FHIT: variants seen among roughly 807,000 people sequenced by gnomAD.
FHIT encodes the protein fragile histidine triad diadenosine triphosphatase.
FHIT carries 19 observed loss-of-function variants against 17.9 expected under a neutral mutation model. The ratio of observed to expected loss-of-function variants is 1.06; its 90% confidence interval spans 0.74 to 1.56. FHIT has a LOEUF of 1.56. FHIT is among the 40% of genes most tolerant of loss of function. The pLI is 0.00. For missense variants in FHIT, 248 were observed against 189.2 expected, an observed-to-expected ratio of 1.31 and a Z score of -1.82; for synonymous variants, 81 against 69.7, an observed-to-expected ratio of 1.16 and a Z score of -0.81.
intron 5 of FHIT, among the ~76,000 whole-genome samples, chr3:60,430,261 C>T (rs1409848967): frequency 6.6e-6 from 1 of 152,040 alleles, no homozygotes; most frequent in East Asian, 1.9e-4. Flanking sequence ...GTGATTTTTT[C>T]ACTAAGTACC....
chr3:60,090,108 G>A (rs1266081644), intron 5 of FHIT, among the ~76,000 whole-genome samples: 1 of 152,064 alleles, frequency 6.6e-6, no homozygotes, highest in Non-Finnish European at 1.5e-5. Context: ...CTATCAAAAT[G>A]GGAATCTGAT....
At chr3:60,082,488 T>C (rs573103045) in intron 5 of FHIT, among the ~76,000 whole-genome samples, 38 of 152,186 alleles carry the variant, frequency 2.5e-4, no homozygotes, top group African/African-American at 9.1e-4. Flanking sequence ...TGAATATATA[T>C]CCAGTAATGG....
intron 5 of FHIT, among the ~76,000 whole-genome samples, chr3:60,068,675 C>A (rs1246757562): frequency 6.6e-6 from 1 of 152,156 alleles, no homozygotes; most frequent in African/African-American, 2.4e-5. Context: ...TACTTGATTT[C>A]ATACACATCT....
intron 2 of FHIT, among the ~76,000 whole-genome samples, chr3:61,179,054 A>G (rs80093981): frequency 0.13 from 17,545 of 134,210 alleles, 1,147 homozygotes; most frequent in Non-Finnish European, 0.15. Context: ...TCTGTTGCCC[A>G]GGATGGAATG....
chr3:61,129,265 T>C (rs911218019), intron 2 of FHIT, among the ~76,000 whole-genome samples: 2 of 152,178 alleles, frequency 1.3e-5, no homozygotes, highest in Non-Finnish European at 2.9e-5. Context: ...TGACATAAGG[T>C]TGAAATCATC....
At chr3:60,332,671 C>G (rs1710044463) in intron 5 of FHIT, among the ~76,000 whole-genome samples, 1 of 152,258 alleles carries the variant, frequency 6.6e-6, no homozygotes, top group African/African-American at 2.4e-5. Context: ...GAAAAGGCAA[C>G]TATTTTGGGG....
chr3:60,079,537 C>T (rs994079267), intron 5 of FHIT, among the ~76,000 whole-genome samples: 8 of 152,174 alleles, frequency 5.3e-5, no homozygotes, highest in Middle Eastern at 3.4e-3. Flanking sequence ...TTCTCTTTGT[C>T]CCTTCACCAT....
chr3:60,585,351 A>G (rs1414923200), intron 4 of FHIT, among the ~76,000 whole-genome samples: 1 of 152,012 alleles, frequency 6.6e-6, no homozygotes, highest in African/African-American at 2.4e-5. Flanking sequence ...TTGGAGTCAG[A>G]CACAGGTGCA....
chr3:60,955,586 G>GCGTATATATA (rs60979129), intron 3 of FHIT, among the ~76,000 whole-genome samples: 18,241 of 82,154 alleles, frequency 0.22, 3,169 homozygotes, highest in African/African-American at 0.35. Flanking sequence ...ATCTGCTTAG[G>GCGTATATATA]CATATATATA....
intron 5 of FHIT, among the ~76,000 whole-genome samples, chr3:60,355,537 A>G (rs1377388054): frequency 1.3e-5 from 2 of 152,190 alleles, no homozygotes; most frequent in Non-Finnish European, 2.9e-5. Context: ...AAAAGGCTGC[A>G]TACAATTTTT....
At chr3:60,144,898 C>G (rs207463157) in intron 5 of FHIT, among the ~76,000 whole-genome samples, 3 of 152,116 alleles carry the variant, frequency 2.0e-5, no homozygotes, top group African/African-American at 7.2e-5. Flanking sequence ...TCTGTAACTT[C>G]AACTGGTCTG....
At chr3:60,323,992 T>C (rs1180267594) in intron 5 of FHIT, among the ~76,000 whole-genome samples, 1 of 152,150 alleles carries the variant, frequency 6.6e-6, no homozygotes, top group Non-Finnish European at 1.5e-5. Context: ...AGGGCAGTTT[T>C]TTTTAACCCT....
At chr3:60,435,958 C>T (rs1392347347) in intron 5 of FHIT, among the ~76,000 whole-genome samples, 1 of 152,174 alleles carries the variant, frequency 6.6e-6, no homozygotes, top group Non-Finnish European at 1.5e-5. Flanking sequence ...TGGCCTCCAG[C>T]TCCATCCTTA....
chr3:60,641,466 T>C (rs113711289), intron 4 of FHIT, among the ~76,000 whole-genome samples: 1,695 of 152,224 alleles, frequency 0.011, 37 homozygotes, highest in African/African-American at 0.039. Flanking sequence ...TATGTCAAAA[T>C]GTCTTGCTTC....
intron 5 of FHIT, among the ~76,000 whole-genome samples, chr3:60,016,941 C>A (rs1226079495): frequency 6.6e-6 from 1 of 152,092 alleles, no homozygotes; most frequent in Non-Finnish European, 1.5e-5. Flanking sequence ...TTATAATTCC[C>A]ATGTTGAAGA....
intron 4 of FHIT, among the ~76,000 whole-genome samples, chr3:60,680,347 C>T (rs1553696540): frequency 6.6e-6 from 1 of 152,082 alleles, no homozygotes; most frequent in African/African-American, 2.4e-5. Context: ...ATTTCTGTTG[C>T]TTCTCCAATT....
intron 4 of FHIT, among the ~76,000 whole-genome samples, chr3:60,619,297 A>G (rs2039045887): frequency 1.3e-5 from 2 of 152,218 alleles, no homozygotes; most frequent in African/African-American, 4.8e-5. Context: ...AAATAAAGGA[A>G]TATTTTTGCC....
At chr3:60,333,410 C>T (rs1383904562) in intron 5 of FHIT, among the ~76,000 whole-genome samples, 1 of 152,024 alleles carries the variant, frequency 6.6e-6, no homozygotes, top group African/African-American at 2.4e-5. Context: ...ACTAAAAACT[C>T]CACATGTGAA....
At chr3:60,567,814 C>T (rs573060169) in intron 4 of FHIT, among the ~76,000 whole-genome samples, 1 of 152,306 alleles carries the variant, frequency 6.6e-6, no homozygotes, top group African/African-American at 2.4e-5. Context: ...ACAGACACTT[C>T]TCAAAAGAAG....
Sources: gnomAD v4.1 joint callset for allele counts (sites outside exome capture counted in the v4.1 genomes callset) on GRCh38, gnomAD v4.1.1 for gene constraint, MANE v1.5 for transcripts, NCBI Gene and HGNC (gene_info 2026-07-23, HGNC 2026-07-21) for gene names.